The following CREB5 variants were observed in gnomAD, a reference collection of about 807,000 sequenced individuals.
The protein encoded by CREB5 is cAMP responsive element binding protein 5.
A neutral mutation model predicts 57.1 loss-of-function variants in CREB5; 19 were observed. The ratio of observed to expected loss-of-function variants is 0.33; its 90% CI spans 0.23 to 0.49. The LOEUF is 0.49. CREB5 is among the 20% of genes least tolerant of loss of function. CREB5 has a pLI of 0.99. For missense variants in CREB5, 579 were observed against 671.6 expected (o/e 0.86, Z 1.52); for synonymous variants, 238 against 238.3 (o/e 1.00, Z 0.01).
chr7:28,644,169 G>A (rs780365316), intron 5 of CREB5, among the ~76,000 whole-genome samples: 3 of 151,584 alleles, frequency 2.0e-5, no homozygotes, highest in Admixed American at 6.6e-5. Context: ...GAAAGAAAGA[G>A]AAAGAAAGAA....
rs1439279286 is a variant in CREB5, at chr7:28,558,179, GT to G, written c.292-12183del. Among the ~76,000 whole-genome samples the G allele has an allele frequency of 2.6e-5, 4 of 152,176 alleles. No homozygotes were observed. In the East Asian group the frequency reaches 7.7e-4, roughly 29 times the overall value. ...TAAGACAGACTAAGCCTCTCACTGA[GT>G]TTCTCTGTTGCATTGCTTAGTTTGG... On this transcript the variant is annotated intron_variant, in intron 4 of 10. Coordinates refer to ENST00000357727, the MANE Select transcript of CREB5 (RefSeq NM_182898.4).
chr7:28,677,138 G>A (rs1165390681), intron 5 of CREB5, among the ~76,000 whole-genome samples: 2 of 152,154 alleles, frequency 1.3e-5, no homozygotes, highest in African/African-American at 4.8e-5. Context: ...AGCTCCTTTA[G>A]AGCATGGACA....
At chr7:28,647,236 G>A (rs369848830) in intron 5 of CREB5, among the ~76,000 whole-genome samples, 12 of 151,516 alleles carry the variant, frequency 7.9e-5, no homozygotes, top group African/African-American at 2.4e-4. Context: ...CTGCTGAACA[G>A]CATCGCAAAC....
At chr7:28,391,368 C>T (rs1186879008) in intron 1 of CREB5, among the ~76,000 whole-genome samples, 2 of 152,206 alleles carry the variant, frequency 1.3e-5, no homozygotes, top group Non-Finnish European at 2.9e-5. Flanking sequence ...CATCTTTTCT[C>T]ACTGGTCGTT....
intron 5 of CREB5, among the ~76,000 whole-genome samples, chr7:28,617,134 G>GAA (rs1483706224): frequency 6.6e-6 from 1 of 152,212 alleles, no homozygotes; most frequent in Non-Finnish European, 1.5e-5. Context: ...TTTCCCCATG[G>GAA]AAAGTCTGTT....
chr7:28,308,276 T>C (rs1428763517), intron 1 of CREB5, among the ~76,000 whole-genome samples: 5 of 152,234 alleles, frequency 3.3e-5, no homozygotes, highest in Non-Finnish European at 7.3e-5. Flanking sequence ...CTTTTCATTT[T>C]GTATTATTTG....
At chr7:28,350,060 C>T (rs1786157012) in intron 1 of CREB5, among the ~76,000 whole-genome samples, 1 of 152,156 alleles carries the variant, frequency 6.6e-6, no homozygotes, top group Non-Finnish European at 1.5e-5. Flanking sequence ...CTTGAATTTA[C>T]CTTATGGATA....
chr7:28,647,951 C>G (rs892148581), intron 5 of CREB5, among the ~76,000 whole-genome samples: 2 of 152,054 alleles, frequency 1.3e-5, no homozygotes, highest in Admixed American at 6.6e-5. Flanking sequence ...TGAAAAAGTA[C>G]ATAATTTAAG....
intron 5 of CREB5, among the ~76,000 whole-genome samples, chr7:28,681,669 C>G (rs1242815742): frequency 6.6e-6 from 1 of 152,206 alleles, no homozygotes; most frequent in Non-Finnish European, 1.5e-5. Flanking sequence ...CTCTCCATAG[C>G]TGGCTTATTG....
intron 1 of CREB5, among the ~76,000 whole-genome samples, chr7:28,337,429 T>A (rs192436892): frequency 2.0e-5 from 3 of 152,042 alleles, no homozygotes; most frequent in Non-Finnish European, 2.9e-5. Flanking sequence ...CTGAATTGAC[T>A]CCTTTATCAT....
At chr7:28,746,219 C>A (rs1443666254) in intron 7 of CREB5, among the ~76,000 whole-genome samples, 1 of 152,110 alleles carries the variant, frequency 6.6e-6, no homozygotes, top group Non-Finnish European at 1.5e-5. Context: ...AAAATGAATT[C>A]TCTAGGGACA....
chr7:28,564,151 A>G (rs1231407067), intron 4 of CREB5, among the ~76,000 whole-genome samples: 3 of 152,208 alleles, frequency 2.0e-5, no homozygotes, highest in Admixed American at 6.5e-5. Context: ...GGAACTTCTG[A>G]AAGTCTTCAT....
chr7:28,351,759 T>C (rs977649607), intron 1 of CREB5, among the ~76,000 whole-genome samples: 2 of 142,328 alleles, frequency 1.4e-5, no homozygotes, highest in East Asian at 4.2e-4. Flanking sequence ...TTTGTTATAA[T>C]TATGGTTTAG....
chr7:28,580,377 T>TG (rs1303220297), intron 5 of CREB5, among the ~76,000 whole-genome samples: 86 of 140,400 alleles, frequency 6.1e-4, no homozygotes, highest in African/African-American at 2.4e-3. Context: ...TGTCTGTGTG[T>TG]GTGGGGGGGG....
chr7:28,303,375 C>T (rs1344975519), intron 1 of CREB5, among the ~76,000 whole-genome samples: 1 of 152,120 alleles, frequency 6.6e-6, no homozygotes, highest in Non-Finnish European at 1.5e-5. Flanking sequence ...CATATGATTA[C>T]ATTTCATTTT....
At chr7:28,793,641 G>A (rs1807857974) in intron 7 of CREB5, among the ~76,000 whole-genome samples, 1 of 152,210 alleles carries the variant, frequency 6.6e-6, no homozygotes, top group Admixed American at 6.5e-5. Context: ...CATCAAGCGA[G>A]CCGAGCACAG....
chr7:28,785,959 C>T (rs539903551), intron 7 of CREB5, among the ~76,000 whole-genome samples: 23 of 152,266 alleles, frequency 1.5e-4, no homozygotes, highest in East Asian at 5.8e-4. Flanking sequence ...ATATCTAGAA[C>T]GTGGTCACGT....
At chr7:28,704,164 G>A (rs879855715) in intron 5 of CREB5, among the ~76,000 whole-genome samples, 1 of 152,220 alleles carries the variant, frequency 6.6e-6, no homozygotes, top group Non-Finnish European at 1.5e-5. Flanking sequence ...ATGTCATTGT[G>A]CTTACTAATA....
intron 5 of CREB5, among the ~76,000 whole-genome samples, chr7:28,598,753 G>A (rs1302160787): frequency 6.6e-6 from 1 of 152,128 alleles, no homozygotes; most frequent in African/African-American, 2.4e-5. Context: ...GAGGTGACCT[G>A]ATGTTAAGAA....
Sources: allele counts gnomAD v4.1 joint callset (sites outside exome capture counted in the v4.1 genomes callset), GRCh38; gene constraint gnomAD v4.1.1; transcripts MANE v1.5; gene names NCBI Gene and HGNC (gene_info 2026-07-23, HGNC 2026-07-21).